Variants in WWOX observed in about 807,000 individuals in gnomAD.
The protein encoded by WWOX is WW domain-containing oxidoreductase.
WWOX carries 69 observed loss-of-function variants against 46.2 expected under a neutral mutation model. The ratio of observed to expected loss-of-function variants is 1.49; its 90% confidence interval spans 1.23 to 1.82. The LOEUF is 1.82. Among genes scored for constraint, WWOX ranks in the 40% most tolerant of loss-of-function variants. WWOX has a pLI of 0.00. For synonymous variants in WWOX, 359 were observed against 202.6 expected (o/e 1.77, Z -6.56); for missense variants, 919 against 542.6 (o/e 1.69, Z -6.89).
At chr16:79,108,936 C>A (rs967723918) in intron 8 of WWOX, among the ~76,000 whole-genome samples, 1 of 150,380 alleles carries the variant, frequency 6.6e-6, no homozygotes, top group Non-Finnish European at 1.5e-5. Flanking sequence ...TTTTTTTAAT[C>A]GCCATAATCT....
chr16:79,045,865 A>C (rs1444462962), intron 8 of WWOX, among the ~76,000 whole-genome samples: 1 of 124,990 alleles, frequency 8.0e-6, no homozygotes. Context: ...GCAGTGGCAC[A>C]ATCTCAGCTC....
At chr16:78,448,390 T>C (rs1292315728) in intron 8 of WWOX, among the ~76,000 whole-genome samples, 1 of 152,176 alleles carries the variant, frequency 6.6e-6, no homozygotes, top group Non-Finnish European at 1.5e-5. Flanking sequence ...TTTATAGCCT[T>C]TGTAGATTAG....
intron 5 of WWOX, among the ~76,000 whole-genome samples, chr16:78,366,345 T>G (rs556464489): frequency 6.6e-6 from 1 of 152,340 alleles, no homozygotes; most frequent in Admixed American, 6.5e-5. Flanking sequence ...TATCCACACA[T>G]CCTTAACTCT....
chr16:79,092,719 C>T (rs910338612), intron 8 of WWOX, among the ~76,000 whole-genome samples: 2 of 152,162 alleles, frequency 1.3e-5, no homozygotes, highest in African/African-American at 2.4e-5. Context: ...TTCCCCAAGA[C>T]TGAACACAAA....
Position 78,555,168 on chromosome 16 carries a change from TAA to T in WWOX, c.1056+122437_1056+122438del, listed in dbSNP as rs10635594. Among the ~76,000 whole-genome samples the T allele has an allele frequency of 2.9e-3, 377 of 128,406 alleles. 2 individuals carry two copies. The highest frequency in any genetic ancestry group is 8.2e-3 in the African/African-American group (283 of 34,494). The allele number at this position is 128,406 out of a possible 152,430, so 84.2% of individuals were successfully genotyped here. A position where few individuals can be genotyped will look rare whatever the true frequency, so the allele number is the denominator to read the frequency against. On this transcript the variant is annotated intron_variant, in intron 8 of 8. Coordinates refer to ENST00000566780, the MANE Select transcript of WWOX (RefSeq NM_016373.4). ...TCTCATAGTTAATGCTATGATTTTGTAAAAAAAAAAAAAAAAAAAAAATTCTA... is the reference window on the plus strand; with the variant it reads ...TCTCATAGTTAATGCTATGATTTTGTAAAAAAAAAAAAAAAAAAAATTCTA...
chr16:78,876,375 G>T (rs2044234054), intron 8 of WWOX, among the ~76,000 whole-genome samples: 1 of 150,848 alleles, frequency 6.6e-6, no homozygotes, highest in African/African-American at 2.4e-5. Context: ...CTTTCCTTTT[G>T]TGAAAAAGGA....
chr16:78,105,295 C>G (rs753433568), intron 1 of WWOX, among the ~76,000 whole-genome samples: 1 of 152,134 alleles, frequency 6.6e-6, no homozygotes, highest in Admixed American at 6.5e-5. Context: ...AACCCCATCT[C>G]TACTAAAAAT....
chr16:78,385,245 G>T (rs72796082), intron 5 of WWOX, among the ~76,000 whole-genome samples: 8,441 of 152,146 alleles, frequency 0.055, 290 homozygotes, highest in East Asian at 0.12. Flanking sequence ...GGCCTTCAGG[G>T]AGGATCTTTG....
intron 8 of WWOX, among the ~76,000 whole-genome samples, chr16:78,574,457 G>T (rs1477046896): frequency 6.6e-6 from 1 of 152,032 alleles, no homozygotes; most frequent in Non-Finnish European, 1.5e-5. Context: ...TCTGAAGACT[G>T]TAAGACCTGA....
intron 8 of WWOX, chr16:79,004,232 A>G (rs1315821534): frequency 1.3e-5 from 2 of 152,142 alleles, no homozygotes; most frequent in Non-Finnish European, 2.9e-5. Context: ...ACATCTAGCA[A>G]TAGAAGGCGC....
intron 8 of WWOX, among the ~76,000 whole-genome samples, chr16:78,563,473 G>A (rs890507187): frequency 2.7e-5 from 4 of 148,692 alleles, no homozygotes; most frequent in Admixed American, 6.7e-5. Flanking sequence ...TTCAGGATAC[G>A]GGCACTCGTG....
chr16:79,008,563 G>A (rs2047236921), intron 8 of WWOX, among the ~76,000 whole-genome samples: 1 of 151,618 alleles, frequency 6.6e-6, no homozygotes, highest in Non-Finnish European at 1.5e-5. Context: ...CATAGTCTGT[G>A]AAATCCCCAT....
intron 8 of WWOX, among the ~76,000 whole-genome samples, chr16:79,140,241 T>C (rs1203790550): frequency 6.6e-6 from 1 of 152,236 alleles, no homozygotes; most frequent in Non-Finnish European, 1.5e-5. Flanking sequence ...TTGCAGACCC[T>C]GCCCTGAAAT....
chr16:78,859,027 A>AAAAAAATAT (rs1555551610), intron 8 of WWOX, among the ~76,000 whole-genome samples: 2 of 23,702 alleles, frequency 8.4e-5, no homozygotes, highest in African/African-American at 1.8e-4. Context: ...AAAAAAAAAA[A>AAAAAAATAT]ATATATATAT....
intron 8 of WWOX, among the ~76,000 whole-genome samples, chr16:78,809,121 CTGTT>C (rs2051121089): frequency 6.6e-6 from 1 of 151,922 alleles, no homozygotes; most frequent in Non-Finnish European, 1.5e-5. Flanking sequence ...CTGTTTCTGT[CTGTT>C]CTCCCCCTGC....
chr16:78,584,679 G>C (rs2045149974), intron 8 of WWOX, among the ~76,000 whole-genome samples: 1 of 152,200 alleles, frequency 6.6e-6, no homozygotes, highest in Non-Finnish European at 1.5e-5. Flanking sequence ...AAGCAGGCAG[G>C]AATTTTCCAT....
intron 8 of WWOX, among the ~76,000 whole-genome samples, chr16:79,031,084 C>A (rs1263419993): frequency 1.7e-5 from 2 of 118,690 alleles, no homozygotes; most frequent in Admixed American, 9.5e-5. Flanking sequence ...CAGAGTGAGA[C>A]CCTGTCTCAA....
At chr16:79,082,372 C>A (rs1233264966) in intron 8 of WWOX, among the ~76,000 whole-genome samples, 1 of 152,120 alleles carries the variant, frequency 6.6e-6, no homozygotes, top group Non-Finnish European at 1.5e-5. Context: ...ACAGATAATA[C>A]CAACTGCATG....
At chr16:78,424,100 TTC>T (rs1256046702) in intron 6 of WWOX, among the ~76,000 whole-genome samples, 7 of 132,920 alleles carry the variant, frequency 5.3e-5, no homozygotes, top group Non-Finnish European at 8.1e-5. Context: ...TTCTTTTCTT[TTC>T]TTTTCTTTTT....
Sources: gnomAD v4.1 joint callset for allele counts (sites outside exome capture counted in the v4.1 genomes callset) on GRCh38, gnomAD v4.1.1 for gene constraint, MANE v1.5 for transcripts, NCBI Gene and HGNC (gene_info 2026-07-23, HGNC 2026-07-21) for gene names.